The following PTPRM variants were observed in gnomAD, a reference collection of about 807,000 sequenced individuals.
The protein encoded by PTPRM is protein tyrosine phosphatase receptor type M.
Under a neutral mutation model 186.7 loss-of-function variants are expected in PTPRM, and 47 were observed. That is an observed-to-expected ratio of 0.25 (90% confidence interval 0.20 to 0.32). The LOEUF (loss-of-function observed/expected upper bound fraction) is 0.32, where lower values mean the gene tolerates loss of function less well. Ranked by LOEUF, PTPRM falls within the 10% of genes least tolerant of loss-of-function variation. The pLI, the probability that PTPRM is intolerant of heterozygous loss-of-function variation, is 1.00. For missense variants in PTPRM, 1,494 were observed against 1,865.0 expected (o/e 0.80, Z 3.66); for synonymous variants, 668 against 674.9 (o/e 0.99, Z 0.16).
At chr18:8,342,085 T>C (rs572311149) in intron 22 of PTPRM, among the ~76,000 whole-genome samples, 1 of 152,112 alleles carries the variant, frequency 6.6e-6, no homozygotes, top group East Asian at 1.9e-4. Flanking sequence ...GAATTTGTGT[T>C]GTGGAGAGAA....
chr18:7,714,405 A>G (rs906874321), intron 1 of PTPRM, among the ~76,000 whole-genome samples: 12 of 152,224 alleles, frequency 7.9e-5, no homozygotes, highest in African/African-American at 1.9e-4. Context: ...AATGCCCACA[A>G]GAGAAAGCAG....
chr18:7,687,649 A>AGAAT (rs1375587952), intron 1 of PTPRM, among the ~76,000 whole-genome samples: 2 of 152,326 alleles, frequency 1.3e-5, no homozygotes, highest in African/African-American at 4.8e-5. Context: ...TATATCAGGT[A>AGAAT]GAATGATGAT....
At chr18:8,301,783 T>C (rs1159836653) in intron 20 of PTPRM, among the ~76,000 whole-genome samples, 3 of 152,170 alleles carry the variant, frequency 2.0e-5, no homozygotes, top group Non-Finnish European at 4.4e-5. Context: ...TCAACACCCA[T>C]GTTAGGAGGT....
intron 1 of PTPRM, among the ~76,000 whole-genome samples, chr18:7,631,448 G>A (rs1308862306): frequency 3.7e-5 from 5 of 136,584 alleles, no homozygotes; most frequent in South Asian, 2.3e-4. Context: ...GAACTACAAG[G>A]CTGTTTTTTT....
At chr18:8,248,084 A>G in intron 16 of PTPRM, 66 bp from the exon 17 acceptor site, 1 of 1,450,842 alleles carries the variant, frequency 6.9e-7, no homozygotes, top group Non-Finnish European at 9.7e-7. Context: ...GTGGGCATTC[A>G]TCAATCATTT....
intron 14 of PTPRM, among the ~76,000 whole-genome samples, chr18:8,156,632 C>A (rs1235729162): frequency 6.6e-6 from 1 of 152,158 alleles, no homozygotes; most frequent in African/African-American, 2.4e-5. Context: ...CTTTTAACTG[C>A]CCTGCTACCC....
At chr18:8,332,353 G>A (rs186931779) in intron 22 of PTPRM, among the ~76,000 whole-genome samples, 495 of 152,126 alleles carry the variant, frequency 3.3e-3, no homozygotes, top group South Asian at 0.01. Flanking sequence ...TTAATGTTTG[G>A]TTTATGCCAA....
chr18:8,359,231 C>A (rs1351292264), intron 23 of PTPRM, among the ~76,000 whole-genome samples: 1 of 152,242 alleles, frequency 6.6e-6, no homozygotes, highest in Non-Finnish European at 1.5e-5. Context: ...GCCACAGTGG[C>A]AGGATATTAC....
At chr18:8,339,104 T>G (rs968005366) in intron 22 of PTPRM, among the ~76,000 whole-genome samples, 7 of 152,160 alleles carry the variant, frequency 4.6e-5, no homozygotes, top group African/African-American at 1.4e-4. Flanking sequence ...GAACTCATCT[T>G]ATACAATAAA....
At chr18:7,654,050 G>A (rs899007932) in intron 1 of PTPRM, among the ~76,000 whole-genome samples, 2 of 152,012 alleles carry the variant, frequency 1.3e-5, no homozygotes, top group Non-Finnish European at 2.9e-5. Context: ...GTTTTGATTT[G>A]CATTTCTCTA....
intron 1 of PTPRM, among the ~76,000 whole-genome samples, chr18:7,763,311 G>A (rs189653221): frequency 2.6e-5 from 4 of 152,332 alleles, no homozygotes; most frequent in African/African-American, 7.2e-5. Context: ...CTAGGTGGAG[G>A]TGGAGGAGCA....
chr18:8,240,484 A>AG (rs796508770), intron 14 of PTPRM, among the ~76,000 whole-genome samples: 465 of 22,986 alleles, frequency 0.02, 41 homozygotes, highest in African/African-American at 0.041. Flanking sequence ...GGAGGGGAGG[A>AG]GAGAGAGAGA....
chr18:8,022,694 TCCTCCAAGGTGCACATGTTC>T (rs1271454285), intron 7 of PTPRM, among the ~76,000 whole-genome samples: 6 of 152,118 alleles, frequency 3.9e-5, no homozygotes, highest in African/African-American at 1.4e-4. Context: ...GTCTGTAACT[TCCTCCAAGGTGCACATGTTC>T]CCTTTGCAGC....
At chr18:7,850,542 G>C (rs2046811222) in intron 2 of PTPRM, among the ~76,000 whole-genome samples, 1 of 152,196 alleles carries the variant, frequency 6.6e-6, no homozygotes, top group Non-Finnish European at 1.5e-5. Flanking sequence ...AAAACTCAAA[G>C]AGCTGTGAAA....
chr18:8,106,484 C>T (rs1244782104), intron 11 of PTPRM, among the ~76,000 whole-genome samples: 1 of 152,166 alleles, frequency 6.6e-6, no homozygotes, highest in African/African-American at 2.4e-5. Context: ...TAGAGATTGA[C>T]ACATCCCTGG....
chr18:8,212,308 C>T (rs1177507598), intron 14 of PTPRM, among the ~76,000 whole-genome samples: 1 of 152,134 alleles, frequency 6.6e-6, no homozygotes, highest in Non-Finnish European at 1.5e-5. Flanking sequence ...CCAGAGGCGG[C>T]AATACAGGTG....
rs577360373 is a variant in PTPRM at position 7,715,021 on chromosome 18, T to C, written c.74-59128T>C. ...AACTCATTTTATGAGGCCAACATCA[T>C]CCTGATACCAAAATCTGGCAGAGAC... On this transcript the variant is annotated intron_variant, in intron 1 of 32. Coordinates refer to ENST00000580170, the MANE Select transcript of PTPRM (RefSeq NM_001105244.2). Among the ~76,000 whole-genome samples the C allele has an allele frequency of 4.6e-5, 7 of 152,216 alleles. No individual in the cohort carries two copies. In the East Asian group the frequency reaches 1.4e-3, roughly 29 times the overall value.
At chr18:8,345,054 A>C (rs2095497898) in intron 23 of PTPRM, among the ~76,000 whole-genome samples, 2 of 152,194 alleles carry the variant, frequency 1.3e-5, no homozygotes, top group East Asian at 3.8e-4. Flanking sequence ...ACACCTAATA[A>C]AATCAGAAAA....
intron 1 of PTPRM, among the ~76,000 whole-genome samples, chr18:7,598,947 A>G (rs2037334265): frequency 6.6e-6 from 1 of 152,170 alleles, no homozygotes; most frequent in Non-Finnish European, 1.5e-5. Context: ...AGCTGAGCAA[A>G]TCTTAAAGCA....
Sources: allele counts gnomAD v4.1 joint callset (sites outside exome capture counted in the v4.1 genomes callset), GRCh38; gene constraint gnomAD v4.1.1; transcripts MANE v1.5; gene names NCBI Gene and HGNC (gene_info 2026-07-23, HGNC 2026-07-21).